The following AGBL1 variants were observed in gnomAD, a reference collection of about 807,000 sequenced individuals.
AGBL1 encodes the protein AGBL carboxypeptidase 1.
A neutral mutation model predicts 118.9 loss-of-function variants in AGBL1; 130 were observed. The ratio of observed to expected loss-of-function variants is 1.09; its 90% CI spans 0.95 to 1.26. The LOEUF (loss-of-function observed/expected upper bound fraction) is 1.26, where lower values mean the gene tolerates loss of function less well. Among genes scored for constraint, AGBL1 ranks in the 50% most tolerant of loss-of-function variants. The pLI, the probability that AGBL1 is intolerant of heterozygous loss-of-function variation, is 0.00. For missense variants in AGBL1, 1,584 were observed against 1,298.1 expected, an observed-to-expected ratio of 1.22 and a Z score of -3.38; for synonymous variants, 555 against 478.9, an observed-to-expected ratio of 1.16 and a Z score of -2.08.
At chr15:86,921,042 G>A (rs188786846), downstream of AGBL1, among the ~76,000 whole-genome samples, 10 of 152,232 alleles carry the variant, frequency 6.6e-5, no homozygotes, top group Admixed American at 3.9e-4. Context: ...CCTCCCCAGC[G>A]GCTTCTAGGT....
chr15:86,934,411 A>C (rs2080641673), intron 23 of AGBL1, among the ~76,000 whole-genome samples: 3 of 152,202 alleles, frequency 2.0e-5, no homozygotes, highest in Admixed American at 1.3e-4. Context: ...GAATGTGTGA[A>C]TCTTCAACTA....
chr15:86,196,036 A>T (rs1254170159), intron 5 of AGBL1, among the ~76,000 whole-genome samples: 1 of 152,148 alleles, frequency 6.6e-6, no homozygotes, highest in Non-Finnish European at 1.5e-5. Flanking sequence ...TTTTTTAAAA[A>T]CCATAGGATA....
At chr15:86,672,728 T>C (rs1202909263) in intron 21 of AGBL1, among the ~76,000 whole-genome samples, 5 of 127,566 alleles carry the variant, frequency 3.9e-5, no homozygotes, top group South Asian at 2.5e-4. Context: ...AAGTGATCTT[T>C]TCTATTGACT....
At chr15:87,023,138 A>T (rs2081685633) in intron 24 of AGBL1, among the ~76,000 whole-genome samples, 1 of 152,090 alleles carries the variant, frequency 6.6e-6, no homozygotes, top group South Asian at 2.1e-4. Flanking sequence ...TTTCAATATT[A>T]ACATTGAAGG....
intron 22 of AGBL1, among the ~76,000 whole-genome samples, chr15:86,826,785 A>G (rs553054828): frequency 6.6e-6 from 1 of 152,152 alleles, no homozygotes; most frequent in South Asian, 2.1e-4. Flanking sequence ...GCTAGATATG[A>G]CCATTGGAAT....
intron 18 of AGBL1, among the ~76,000 whole-genome samples, chr15:86,522,264 G>T (rs73457666): frequency 6.6e-6 from 1 of 152,262 alleles, no homozygotes; most frequent in African/African-American, 2.4e-5. Flanking sequence ...ATAGAAGAGA[G>T]AGAACAGGGT....
At chr15:86,294,548 T>C (rs1010123710) in intron 16 of AGBL1, among the ~76,000 whole-genome samples, 8 of 151,858 alleles carry the variant, frequency 5.3e-5, no homozygotes, top group African/African-American at 1.7e-4. Context: ...AGCTTAGCAG[T>C]CCCCCTGGAT....
At chr15:87,006,948 A>G (rs1177603574) in intron 24 of AGBL1, among the ~76,000 whole-genome samples, 1 of 152,168 alleles carries the variant, frequency 6.6e-6, no homozygotes, top group African/African-American at 2.4e-5. Flanking sequence ...TTTAAGTAGG[A>G]TGGGTTTTGC....
At chr15:86,110,299 G>T (rs909177127) in intron 1 of AGBL1, among the ~76,000 whole-genome samples, 1 of 152,150 alleles carries the variant, frequency 6.6e-6, no homozygotes, top group African/African-American at 2.4e-5. Flanking sequence ...GCCTATTGTT[G>T]ACTGGAAGCC....
chr15:86,645,016 T>A (rs1359630793), intron 21 of AGBL1, among the ~76,000 whole-genome samples: 1 of 151,666 alleles, frequency 6.6e-6, no homozygotes, highest in Non-Finnish European at 1.5e-5. Context: ...AGCGAGACTG[T>A]CTCCAAAACA....
chr15:86,626,095 G>A (rs1231894868), intron 21 of AGBL1, among the ~76,000 whole-genome samples: 1 of 152,170 alleles, frequency 6.6e-6, no homozygotes, highest in Non-Finnish European at 1.5e-5. Context: ...GGAAGACAGT[G>A]TAGCAATTCC....
chr15:86,619,217 C>T (rs1158203611), intron 21 of AGBL1, among the ~76,000 whole-genome samples: 1 of 152,068 alleles, frequency 6.6e-6, no homozygotes, highest in African/African-American at 2.4e-5. Flanking sequence ...AATAAGTACT[C>T]AATATATCTT....
chr15:87,027,870 T>C (rs2081748990), intron 24 of AGBL1, among the ~76,000 whole-genome samples: 1 of 151,670 alleles, frequency 6.6e-6, no homozygotes, highest in Non-Finnish European at 1.5e-5. Flanking sequence ...CAACACACAC[T>C]GGGGCCTCTC....
intron 22 of AGBL1, among the ~76,000 whole-genome samples, chr15:86,735,624 G>A (rs1303140957): frequency 6.9e-6 from 1 of 145,358 alleles, no homozygotes; most frequent in Non-Finnish European, 1.5e-5. Context: ...GTGTGTGTGT[G>A]TGTGTGTGTG....
At chr15:86,203,146 T>C (rs1167704437) in intron 5 of AGBL1, among the ~76,000 whole-genome samples, 1 of 152,094 alleles carries the variant, frequency 6.6e-6, no homozygotes, top group Non-Finnish European at 1.5e-5. Context: ...CTAATCACCA[T>C]AAAAGTTACT....
At chr15:86,434,669 A>T (rs954185575) in intron 18 of AGBL1, among the ~76,000 whole-genome samples, 1 of 152,192 alleles carries the variant, frequency 6.6e-6, no homozygotes, top group Non-Finnish European at 1.5e-5. Flanking sequence ...AATAGAATCC[A>T]TTAGTCGGTC....
At chr15:86,854,560 T>G (rs550833319) in intron 22 of AGBL1, among the ~76,000 whole-genome samples, 1 of 152,208 alleles carries the variant, frequency 6.6e-6, no homozygotes, top group Non-Finnish European at 1.5e-5. Flanking sequence ...CAGTGTTACA[T>G]GCACACAACC....
Position 86,913,211 on chromosome 15 carries a change from ACACACACAC to A in AGBL1, c.*5918_*5926del, listed in dbSNP as rs986387669. 1 of 114,268 alleles carries A rather than the reference ACACACACAC, an allele frequency of 8.8e-6. No homozygotes were observed. The highest frequency in any genetic ancestry group is 4.6e-5 in the African/African-American group (1 of 21,706). The allele number at this position is 114,268 out of a possible 1,614,324, so 7.1% of individuals were successfully genotyped here. A position where few individuals can be genotyped will look rare whatever the true frequency, so the allele number is the denominator to read the frequency against. ...ACCACACACACACATACACACACAC[ACACACACAC>A]ACACACACGGCACAGGGCTTTAAGC... On this transcript the variant is annotated 3_prime_UTR_variant, in exon 23 of 23. Transcript: ENST00000614907.
chr15:86,636,702 CATATATATATATATATATATAT>C (rs1157674222), intron 21 of AGBL1, among the ~76,000 whole-genome samples: 128 of 26,774 alleles, frequency 4.8e-3, no homozygotes, highest in Non-Finnish European at 5.1e-3. Flanking sequence ...AACCACCAGT[CATATATATATATATATATATAT>C]ATATATATAT....
Sources: gnomAD v4.1 joint callset for allele counts (sites outside exome capture counted in the v4.1 genomes callset) on GRCh38, gnomAD v4.1.1 for gene constraint, MANE v1.5 for transcripts, NCBI Gene and HGNC (gene_info 2026-07-23, HGNC 2026-07-21) for gene names.